ORC5: variants seen among roughly 807,000 people sequenced by gnomAD.
ORC5 encodes protein phosphatase 1, regulatory subunit 117.
In ORC5, 39 loss-of-function variants were observed where a neutral mutation model predicts 58.8. That is an observed-to-expected ratio of 0.66 (90% CI 0.51 to 0.87). The LOEUF (loss-of-function observed/expected upper bound fraction) is 0.87. ORC5 is among the 40% of genes least tolerant of loss of function. ORC5 has a pLI of 0.00. For synonymous variants in ORC5, 218 were observed against 177.6 expected, an observed-to-expected ratio of 1.23 and a Z score of -1.81; for missense variants, 493 against 506.3, an observed-to-expected ratio of 0.97 and a Z score of 0.25.
At chr7:104,183,617 C>T (rs372316022) in intron 8 of ORC5, among the ~76,000 whole-genome samples, 89 of 152,274 alleles carry the variant, frequency 5.8e-4, no homozygotes, top group Middle Eastern at 3.4e-3. Flanking sequence ...CAATCTTCCA[C>T]AAAAAATACC....
intron 8 of ORC5, among the ~76,000 whole-genome samples, chr7:104,169,684 T>A (rs960717489): frequency 2.5e-4 from 38 of 152,130 alleles, no homozygotes; most frequent in Non-Finnish European, 5.3e-4. Flanking sequence ...TAAGGATGAG[T>A]GTGGGCCTTC....
At chr7:104,155,896 AAG>A in intron 12 of ORC5, among the ~76,000 whole-genome samples, 1 of 151,708 alleles carries the variant, frequency 6.6e-6, no homozygotes, top group South Asian at 2.1e-4. Flanking sequence ...TTAAGAAAAA[AAG>A]AATTAAAAAG....
chr7:104,158,831 G>A (rs1425806581), intron 12 of ORC5, among the ~76,000 whole-genome samples: 1 of 151,810 alleles, frequency 6.6e-6, no homozygotes, highest in Non-Finnish European at 1.5e-5. Flanking sequence ...GGAAACAACA[G>A]GTGCTGGAGA....
At chr7:104,126,927 T>C in intron 13 of ORC5, 34 bp from the exon 14 acceptor site, 1 of 1,474,980 alleles carries the variant, frequency 6.8e-7, no homozygotes, top group Non-Finnish European at 9.5e-7. Flanking sequence ...GTTAGCATTC[T>C]CACCCCTAGA....
At chr7:104,170,646 C>G (rs1299015560) in intron 8 of ORC5, among the ~76,000 whole-genome samples, 1 of 152,150 alleles carries the variant, frequency 6.6e-6, no homozygotes, top group Non-Finnish European at 1.5e-5. Flanking sequence ...ATGTGTTGTC[C>G]TAAATCACTA....
At chr7:104,151,151 C>T (rs1193209108) in intron 12 of ORC5, among the ~76,000 whole-genome samples, 2 of 152,000 alleles carry the variant, frequency 1.3e-5, no homozygotes, top group Non-Finnish European at 2.9e-5. Context: ...TTATGAAGGA[C>T]CTTGCAATAA....
intron 9 of ORC5, 142 bp downstream of exon 9, chr7:104,168,331 C>A: frequency 7.8e-7 from 1 of 1,285,364 alleles, no homozygotes; most frequent in South Asian, 2.4e-5. Context: ...AATCATTAAT[C>A]AAAATAGCAT....
chr7:104,198,673 A>G (rs1158060935), intron 3 of ORC5, among the ~76,000 whole-genome samples: 1 of 152,252 alleles, frequency 6.6e-6, no homozygotes, highest in East Asian at 1.9e-4. Context: ...TGGCCAGACC[A>G]TGAGGTAGAA....
rs1301917761 is a variant in ORC5 at position 104,184,049 on chromosome 7, G to A, written c.734-16C>T. 1 of 1,601,504 alleles carries A rather than the reference G, an allele frequency of 6.2e-7. No homozygotes were observed. The highest frequency in any genetic ancestry group is 1.7e-5 in the Admixed American group (1 of 58,410). ...CGTTCACTTGCTACCCCAAAGGGAA[G>A]AAAATTTCAGTAATTTATATCTTGT... On this transcript the variant is annotated splice_polypyrimidine_tract_variant and intron_variant, in intron 7 of 13. Transcript: ENST00000297431.
chr7:104,185,797 A>T (rs1009055504), intron 6 of ORC5, among the ~76,000 whole-genome samples: 6 of 151,946 alleles, frequency 3.9e-5, no homozygotes, highest in African/African-American at 1.4e-4. Flanking sequence ...TTATTTAAAA[A>T]AAATATATAT....
intron 12 of ORC5, among the ~76,000 whole-genome samples, chr7:104,158,593 T>C (rs373878231): frequency 6.6e-5 from 10 of 151,980 alleles, no homozygotes; most frequent in African/African-American, 1.9e-4. Context: ...AAAGGGCTAA[T>C]ATCCAGAATC....
intron 10 of ORC5, among the ~76,000 whole-genome samples, chr7:104,166,286 A>G (rs1230448706): frequency 2.0e-5 from 3 of 152,064 alleles, no homozygotes; most frequent in Non-Finnish European, 4.4e-5. Context: ...ACCTTAAGGT[A>G]GGAAAGAGAT....
At chr7:104,154,344 A>G (rs1562809542) in intron 12 of ORC5, among the ~76,000 whole-genome samples, 2 of 152,094 alleles carry the variant, frequency 1.3e-5, no homozygotes. Flanking sequence ...ATGACTCAGT[A>G]GAAAACACTT....
intron 8 of ORC5, among the ~76,000 whole-genome samples, chr7:104,170,402 G>A (rs1799190176): frequency 6.6e-6 from 1 of 152,160 alleles, no homozygotes; most frequent in African/African-American, 2.4e-5. Flanking sequence ...GCATTATCCA[G>A]ATAGGCCCAA....
At chr7:104,135,365 A>C (rs1332679684) in intron 13 of ORC5, among the ~76,000 whole-genome samples, 2 of 152,218 alleles carry the variant, frequency 1.3e-5, no homozygotes, top group Non-Finnish European at 2.9e-5. Flanking sequence ...TCCTGGTTTT[A>C]TTAAAATGAA....
chr7:104,203,367 A>G (rs555965630), intron 2 of ORC5, among the ~76,000 whole-genome samples: 47 of 152,312 alleles, frequency 3.1e-4, no homozygotes, highest in African/African-American at 1.1e-3. Flanking sequence ...CAAGCAGGTG[A>G]GACAGAAACT....
chr7:104,166,782 A>C lies in ORC5; in HGVS notation c.980T>G (p.Phe327Cys). 6.4e-7 allele frequency: 1 copy of C among 1,569,306 alleles called. No individual in the cohort carries two copies. The highest frequency in any genetic ancestry group is 8.7e-7 in the Non-Finnish European group (1 of 1,144,512). Residue 327 changes from phenylalanine (F) to cysteine (C), a missense_variant, in exon 10 of 14, where the codon TTT (phenylalanine) becomes TGT (cysteine). Phe to Cys is a radical substitution (Grantham distance 205, BLOSUM62 -2). Transcript: ENST00000297431. ...SYNPARTDKRFFLKHHGKIKK... is the reference protein window; with the variant it reads ...SYNPARTDKRCFLKHHGKIKK... ...GTATGTTATTATTACCTTAAGAAAA[A>C]ACCTCTTGTCAGTTCTTGCTGGATT...
intron 5 of ORC5, among the ~76,000 whole-genome samples, chr7:104,190,234 T>A (rs1157412342): frequency 6.6e-6 from 1 of 151,804 alleles, no homozygotes; most frequent in Non-Finnish European, 1.5e-5. Context: ...ACCGGCAAAA[T>A]CAGTAACAAG....
chr7:104,181,568 G>A (rs867628754), intron 8 of ORC5, among the ~76,000 whole-genome samples: 10 of 151,952 alleles, frequency 6.6e-5, no homozygotes, highest in South Asian at 2.1e-4. Flanking sequence ...GGCAGATCAC[G>A]AGGTCAGGAG....
Sources: gnomAD v4.1 joint callset for allele counts (sites outside exome capture counted in the v4.1 genomes callset) on GRCh38, gnomAD v4.1.1 for gene constraint, MANE v1.5 for transcripts, NCBI Gene and HGNC (gene_info 2026-07-23, HGNC 2026-07-21) for gene names.